TENM3: variants seen among roughly 807,000 people sequenced by gnomAD.
TENM3 encodes teneurin transmembrane protein 3.
Under a neutral mutation model 255.1 loss-of-function variants are expected in TENM3, and 63 were observed. The observed-to-expected ratio is 0.25, with a 90% confidence interval of 0.20 to 0.30. The LOEUF is 0.30. Among genes scored for constraint, TENM3 ranks in the 10% least tolerant of loss-of-function variants. The pLI is 1.00. For synonymous variants in TENM3, 1,306 were observed against 1,322.3 expected (o/e 0.99, Z 0.27); for missense variants, 2,929 against 3,461.1 (o/e 0.85, Z 3.86).
chr4:182,443,617 C>A (rs76675638), intron 3 of TENM3, among the ~76,000 whole-genome samples: 5 of 152,154 alleles, frequency 3.3e-5, no homozygotes, highest in African/African-American at 4.8e-5. Context: ...TACCTCACCC[C>A]CTTCCCTCCT....
At position 182,325,245 on chromosome 4, in the gene TENM3, G is replaced by A. The variant is rs78782105; in HGVS notation, c.232+993G>A. Among the ~76,000 whole-genome samples, 1,209 of 152,184 alleles carry A rather than the reference G, an allele frequency of 7.9e-3. 9 individuals carry two copies. The highest frequency in any genetic ancestry group is 0.044 in the South Asian group (211 of 4,814). On this transcript the variant is annotated intron_variant, in intron 2 of 27. Transcript: ENST00000511685. ...TGACTAACAGTCTGATATTGGGCAG[G>A]AACACATTTAAGAAAAAGTAATAAT... is the stretch of plus-strand genomic sequence containing the variant.
upstream of TENM3, among the ~76,000 whole-genome samples, chr4:182,238,936 ATAT>A (rs943629694): frequency 1.3e-5 from 2 of 152,122 alleles, no homozygotes; most frequent in African/African-American, 4.8e-5. Flanking sequence ...TAAAGGACTG[ATAT>A]TATAATTTTT....
intron 3 of TENM3, among the ~76,000 whole-genome samples, chr4:182,536,322 C>T (rs1352845986): frequency 6.6e-6 from 1 of 152,224 alleles, no homozygotes; most frequent in African/African-American, 2.4e-5. Flanking sequence ...AGTCTTTCTT[C>T]TATCAGTGTG....
chr4:182,313,755 T>G (rs916720914), intron 1 of TENM3, among the ~76,000 whole-genome samples: 2 of 152,198 alleles, frequency 1.3e-5, no homozygotes, highest in Non-Finnish European at 2.9e-5. Context: ...GAGTTTCCTC[T>G]TCACTCAGCT....
chr4:182,698,685 C>T (rs1757618343), intron 12 of TENM3, among the ~76,000 whole-genome samples: 1 of 152,208 alleles, frequency 6.6e-6, no homozygotes, highest in South Asian at 2.1e-4. Flanking sequence ...TCACTATTGA[C>T]ATCAGGCCTT....
intron 3 of TENM3, among the ~76,000 whole-genome samples, chr4:182,462,275 T>A (rs929788535): frequency 6.6e-6 from 1 of 151,908 alleles, no homozygotes; most frequent in African/African-American, 2.4e-5. Flanking sequence ...CCAAGGCTGG[T>A]CTCAAACTCC....
intron 3 of TENM3, among the ~76,000 whole-genome samples, chr4:182,439,237 A>G (rs539698634): frequency 6.6e-6 from 1 of 152,128 alleles, no homozygotes; most frequent in Non-Finnish European, 1.5e-5. Context: ...ACAGCCTCTG[A>G]CTCTACCTGT....
chr4:182,375,772 G>T (rs140550418), intron 3 of TENM3, among the ~76,000 whole-genome samples: 8 of 152,102 alleles, frequency 5.3e-5, no homozygotes, highest in Admixed American at 5.2e-4. Context: ...TCAAACTCCT[G>T]ACCTCAGGTG....
the TENM3 span, among the ~76,000 whole-genome samples, chr4:181,522,225 C>G: frequency 1.2e-4 from 18 of 149,840 alleles, no homozygotes; most frequent in South Asian, 6.4e-4. Flanking sequence ...ATGTTATACT[C>G]AACAAAATTT....
At chr4:182,145,576 G>C (rs781766938) in intron 1 of TENM3, among the ~76,000 whole-genome samples, 1 of 152,280 alleles carries the variant, frequency 6.6e-6, no homozygotes, top group Non-Finnish European at 1.5e-5. Context: ...AAGGTAGCTG[G>C]AGTGGTAACT....
At chr4:181,604,453 C>A in the TENM3 span, among the ~76,000 whole-genome samples, 1 of 151,864 alleles carries the variant, frequency 6.6e-6, no homozygotes, top group South Asian at 2.1e-4. Flanking sequence ...CTTACTGTTT[C>A]CCAGGGGGGA....
chr4:181,721,548 C>G, the TENM3 span, among the ~76,000 whole-genome samples: 7 of 40,196 alleles, frequency 1.7e-4, no homozygotes, highest in Non-Finnish European at 3.3e-4. Context: ...TGCAGTGAGC[C>G]GAGATCGCGC....
intron 3 of TENM3, among the ~76,000 whole-genome samples, chr4:182,571,963 G>A (rs187047587): frequency 6.6e-5 from 10 of 152,234 alleles, no homozygotes; most frequent in South Asian, 2.1e-4. Context: ...GTGCAGTGGC[G>A]CGATCCTGGC....
At chr4:181,984,542 G>A in the TENM3 span, among the ~76,000 whole-genome samples, 3,089 of 151,786 alleles carry the variant, frequency 0.02, 42 homozygotes, top group Non-Finnish European at 0.032. Flanking sequence ...TACTCACATT[G>A]TGTGTGTATA....
chr4:181,682,569 C>T, the TENM3 span, among the ~76,000 whole-genome samples: 14 of 152,216 alleles, frequency 9.2e-5, no homozygotes, highest in Non-Finnish European at 1.6e-4. Context: ...CTCAAAATAA[C>T]ATTGTCAAGA....
In TENM3 at chr4:182,451,198, A is replaced by C. The variant is rs151014523; in HGVS notation, c.511+104269A>C. ...TATTTAAAGTATTCAGCAGATTTTT[A>C]ATTACCAAATAAAATCATACTAAAT... On this transcript the variant is annotated intron_variant, in intron 3 of 27. Transcript: ENST00000511685. Among the ~76,000 whole-genome samples the C allele has an allele frequency of 7.2e-5, 11 of 152,366 alleles. No individual in the cohort carries two copies. The East Asian group carries it at 2.1e-3, about 29-fold the overall frequency.
the TENM3 span, among the ~76,000 whole-genome samples, chr4:181,522,160 C>G: frequency 8.0e-5 from 11 of 138,154 alleles, no homozygotes; most frequent in East Asian, 2.3e-3. Flanking sequence ...GAGTGTATTA[C>G]TCAGGCTGGG....
At position 182,754,389 on chromosome 4, in the gene TENM3, G is replaced by A. The variant is rs537244240; in HGVS notation, c.4022G>A (p.Arg1341His). Residue 1341 changes from arginine to histidine, a missense_variant, in exon 22 of 28, where the codon CGT becomes CAT. This residue lies in a region of TENM3 where 1,608 missense variants were observed against 1,884.4 expected (regional missense o/e 0.85). Transcript: ENST00000511685. The surrounding 1 kb of genome is among the most constrained non-coding windows in gnomAD (Gnocchi z 5.1). ...CDTSMHISQVRLEWPTDLAIN... is the reference protein window; with the variant it reads ...CDTSMHISQVHLEWPTDLAIN... ...GCCATTTCTTTTTTTATTAAGGTACGTCTGGAATGGCCCACTGACCTAGCC... is the reference window on the plus strand; with the variant it reads ...GCCATTTCTTTTTTTATTAAGGTACATCTGGAATGGCCCACTGACCTAGCC... 468 of 1,595,648 alleles carry A rather than the reference G, an allele frequency of 2.9e-4. 1 individual carries two copies. Among genetic ancestry groups the A allele is most frequent in the Non-Finnish European group, 3.8e-4 (440 of 1,169,424 alleles).
the TENM3 span, among the ~76,000 whole-genome samples, chr4:181,560,736 G>A: frequency 6.6e-6 from 1 of 152,154 alleles, no homozygotes; most frequent in Non-Finnish European, 1.5e-5. Context: ...GAGGAACCAA[G>A]TTGCTGAGTG....
Sources: gnomAD v4.1 joint callset for allele counts (sites outside exome capture counted in the v4.1 genomes callset) on GRCh38, gnomAD v4.1.1 for gene constraint, gnomAD v4.1.1 regional missense constraint, Gnocchi (gnomAD v3.1) non-coding constraint, MANE v1.5 for transcripts, NCBI Gene and HGNC (gene_info 2026-07-23, HGNC 2026-07-21) for gene names.